The following TIAM1 variants were observed in gnomAD, a reference collection of about 807,000 sequenced individuals.
TIAM1 encodes TIAM Rac1 associated GEF 1, also known as rho guanine nucleotide exchange factor TIAM1.
In TIAM1, 65 loss-of-function variants were observed where a neutral mutation model predicts 163.5. The observed-to-expected ratio is 0.40, with a 90% CI of 0.33 to 0.49. TIAM1 has a LOEUF of 0.49. TIAM1 is among the 20% of genes least tolerant of loss of function. The probability of loss-of-function intolerance (pLI) is 0.77; values close to 1 mark genes in which losing one functional copy is unlikely to be tolerated. For synonymous variants in TIAM1, 833 were observed against 810.1 expected (o/e 1.03, Z -0.48); for missense variants, 1,789 against 2,044.7 (o/e 0.87, Z 2.41).
chr21:31,215,847 T>C (rs1424614088), intron 9 of TIAM1, among the ~76,000 whole-genome samples: 2 of 152,028 alleles, frequency 1.3e-5, no homozygotes, highest in African/African-American at 2.4e-5. Flanking sequence ...CCATCAAGGA[T>C]AGGGAAATGC....
chr21:31,377,893 T>C lies in TIAM1; in HGVS notation c.-368-38471A>G, dbSNP rs557996355. Among the ~76,000 whole-genome samples the C allele has an allele frequency of 4.0e-5, 6 of 151,582 alleles. No homozygotes were observed. The East Asian group carries it at 7.8e-4, about 20-fold the overall frequency. On this transcript the variant is annotated intron_variant, in intron 2 of 28. Transcript: ENST00000286827. ...GGCTCACACCTGTAATCCCAGCACTTTGGGAGGCCGAGGTGGGCAGATCAC... is the reference window on the plus strand; with the variant it reads ...GGCTCACACCTGTAATCCCAGCACTCTGGGAGGCCGAGGTGGGCAGATCAC...
intron 15 of TIAM1, among the ~76,000 whole-genome samples, chr21:31,176,836 T>C (rs1253626774): frequency 1.3e-5 from 2 of 151,356 alleles, no homozygotes; most frequent in Non-Finnish European, 2.9e-5. Context: ...GGCTGGACAT[T>C]AGAAGCAACC....
At position 31,353,615 on chromosome 21, in the gene TIAM1, A is replaced by G. The variant is rs554994086; in HGVS notation, c.-368-14193T>C. Among the ~76,000 whole-genome samples, 10 of 152,160 alleles carry G rather than the reference A, an allele frequency of 6.6e-5. No individual in the cohort carries two copies. In the East Asian group the frequency reaches 1.7e-3, roughly 27 times the overall value. Reference sequence around the variant, plus strand: ...CAAGGTACTACTTATTACTAGACCCATTTAACAGATAAAGAAAACTGAGGC... The same window carrying G: ...CAAGGTACTACTTATTACTAGACCCGTTTAACAGATAAAGAAAACTGAGGC... On this transcript the variant is annotated intron_variant, in intron 2 of 28. Coordinates refer to the TIAM1 transcript ENST00000286827.
At chr21:31,506,703 A>T (rs942656693) in intron 1 of TIAM1, among the ~76,000 whole-genome samples, 3 of 152,210 alleles carry the variant, frequency 2.0e-5, no homozygotes, top group Non-Finnish European at 4.4e-5. Flanking sequence ...GAATCACTCA[A>T]GGTCAGGAGT....
intron 12 of TIAM1, among the ~76,000 whole-genome samples, chr21:31,196,893 A>T (rs2085886739): frequency 6.6e-6 from 1 of 152,188 alleles, no homozygotes; most frequent in South Asian, 2.1e-4. Flanking sequence ...CATGTATACC[A>T]CAGAATACTA....
At chr21:31,421,516 C>G (rs1427241293) in intron 2 of TIAM1, among the ~76,000 whole-genome samples, 2 of 152,174 alleles carry the variant, frequency 1.3e-5, no homozygotes, top group Non-Finnish European at 2.9e-5. Context: ...GGAGCATGAA[C>G]CCTGTTGTGA....
intron 8 of TIAM1, among the ~76,000 whole-genome samples, chr21:31,222,821 G>A (rs113834907): frequency 0.046 from 6,660 of 145,946 alleles, 431 homozygotes; most frequent in African/African-American, 0.15. Flanking sequence ...AGGTTCAAGC[G>A]ATTCTCAGGC....
intron 2 of TIAM1, among the ~76,000 whole-genome samples, chr21:31,442,070 A>AATATATATATAT (rs138822110): frequency 0.038 from 1,996 of 53,174 alleles, 412 homozygotes; most frequent in Non-Finnish European, 0.052. Context: ...CAAATAAATA[A>AATATATATATAT]ATATATATAT....
intron 2 of TIAM1, among the ~76,000 whole-genome samples, chr21:31,353,835 C>CTTTTCTTT (rs779644582): frequency 1.4e-5 from 1 of 71,234 alleles, no homozygotes. Flanking sequence ...ATTTATTTAT[C>CTTTTCTTT]TTTTTTTTTT....
intron 1 of TIAM1, among the ~76,000 whole-genome samples, chr21:31,511,320 C>T (rs543754528): frequency 6.6e-6 from 1 of 152,264 alleles, no homozygotes; most frequent in African/African-American, 2.4e-5. Context: ...AGAAAGCCTC[C>T]GTCAACACTA....
chr21:31,389,059 C>T (rs1193624814), intron 2 of TIAM1, among the ~76,000 whole-genome samples: 3 of 152,192 alleles, frequency 2.0e-5, no homozygotes, highest in African/African-American at 7.2e-5. Flanking sequence ...GCACATGAAA[C>T]GAGCCACGGG....
At chr21:31,440,813 A>G (rs2044392033) in intron 2 of TIAM1, among the ~76,000 whole-genome samples, 1 of 152,194 alleles carries the variant, frequency 6.6e-6, no homozygotes. Flanking sequence ...CCAGGGAGGC[A>G]GAGGTTGCAG....
chr21:31,193,707 T>TA (rs2085682545), intron 13 of TIAM1, among the ~76,000 whole-genome samples: 1 of 152,118 alleles, frequency 6.6e-6, no homozygotes, highest in Non-Finnish European at 1.5e-5. Context: ...AACCCCCAAA[T>TA]AATTTTTTTT....
chr21:31,296,384 T>A (rs2074267405), intron 2 of TIAM1, among the ~76,000 whole-genome samples: 1 of 152,144 alleles, frequency 6.6e-6, no homozygotes, highest in Non-Finnish European at 1.5e-5. Flanking sequence ...ATATGTGAAG[T>A]GGATGATCTT....
At chr21:31,440,675 C>A (rs1027450056) in intron 2 of TIAM1, among the ~76,000 whole-genome samples, 1 of 151,956 alleles carries the variant, frequency 6.6e-6, no homozygotes, top group African/African-American at 2.4e-5. Flanking sequence ...GAGGTCAGAG[C>A]ATCGAGACCA....
At chr21:31,220,504 A>G (rs1175081672) in intron 8 of TIAM1, among the ~76,000 whole-genome samples, 1 of 152,254 alleles carries the variant, frequency 6.6e-6, no homozygotes, top group Admixed American at 6.5e-5. Flanking sequence ...ATAATGTAAA[A>G]AAAAGAAAGA....
At chr21:31,224,592 T>C (rs944331591) in intron 7 of TIAM1, among the ~76,000 whole-genome samples, 3 of 152,160 alleles carry the variant, frequency 2.0e-5, no homozygotes, top group Non-Finnish European at 4.4e-5. Context: ...AGGTACAGGG[T>C]TACATTTTGG....
intron 16 of TIAM1, among the ~76,000 whole-genome samples, chr21:31,156,936 T>C (rs1292899000): frequency 6.6e-6 from 1 of 152,226 alleles, no homozygotes; most frequent in African/African-American, 2.4e-5. Flanking sequence ...AGCTGTCTGT[T>C]TTTCACAGAA....
chr21:31,142,555 T>C (rs573968559), intron 20 of TIAM1, among the ~76,000 whole-genome samples: 1 of 129,254 alleles, frequency 7.7e-6, no homozygotes, highest in East Asian at 2.2e-4. Context: ...CACTTGAACC[T>C]GGGAGGCGGA....
Sources: allele counts gnomAD v4.1 joint callset (sites outside exome capture counted in the v4.1 genomes callset), GRCh38; gene constraint gnomAD v4.1.1; transcripts MANE v1.5; gene names NCBI Gene and HGNC (gene_info 2026-07-23, HGNC 2026-07-21).